The following BLK variants were observed in gnomAD, a reference collection of about 807,000 sequenced individuals.
BLK encodes the protein tyrosine-protein kinase Blk.
In BLK, 64 loss-of-function variants were observed where a neutral mutation model predicts 61.8. The ratio of observed to expected loss-of-function variants is 1.03; its 90% CI spans 0.85 to 1.27. BLK has a LOEUF of 1.27. Among genes scored for constraint, BLK ranks in the 50% most tolerant of loss-of-function variants. The pLI is 0.00. For synonymous variants in BLK, 351 were observed against 272.0 expected, an observed-to-expected ratio of 1.29 and a Z score of -2.86; for missense variants, 853 against 660.5, an observed-to-expected ratio of 1.29 and a Z score of -3.19.
At chr8:11,537,589 G>C (rs1183619055) in intron 1 of BLK, among the ~76,000 whole-genome samples, 1 of 152,160 alleles carries the variant, frequency 6.6e-6, no homozygotes, top group Non-Finnish European at 1.5e-5. Flanking sequence ...TTGTGCAGAG[G>C]GCTCAAGCAG....
intron 10 of BLK, among the ~76,000 whole-genome samples, chr8:11,559,469 A>G (rs1801384618): frequency 6.6e-6 from 1 of 151,414 alleles, no homozygotes; most frequent in South Asian, 2.1e-4. Context: ...TCAGACTCAA[A>G]CACAAACTCA....
chr8:11,551,601 C>T (rs1452229424), intron 6 of BLK, among the ~76,000 whole-genome samples: 2 of 152,166 alleles, frequency 1.3e-5, no homozygotes, highest in Admixed American at 6.5e-5. Context: ...GGATGGTGAG[C>T]CTGTTCATGT....
At chr8:11,536,200 G>A (rs1193892305) in intron 1 of BLK, among the ~76,000 whole-genome samples, 1 of 152,168 alleles carries the variant, frequency 6.6e-6, no homozygotes, top group Non-Finnish European at 1.5e-5. Context: ...CCATGCTTTA[G>A]AAACAAATGC....
At chr8:11,563,180 C>G in intron 12 of BLK, 70 bp downstream of exon 12, 1 of 1,605,642 alleles carries the variant, frequency 6.2e-7, no homozygotes, top group Non-Finnish European at 8.5e-7. Flanking sequence ...GTCGCCTGTG[C>G]TTGGTGCCTG....
intron 1 of BLK, among the ~76,000 whole-genome samples, chr8:11,505,322 C>G (rs1798727969): frequency 6.6e-6 from 1 of 152,146 alleles, no homozygotes; most frequent in Admixed American, 6.5e-5. Context: ...TGTCAAATAG[C>G]AAGAGATCTC....
chr8:11,522,138 A>C (rs1442281729), intron 1 of BLK, among the ~76,000 whole-genome samples: 2 of 152,180 alleles, frequency 1.3e-5, no homozygotes, highest in Non-Finnish European at 2.9e-5. Context: ...ATATTTTATT[A>C]GGTCCATTTC....
intron 1 of BLK, among the ~76,000 whole-genome samples, chr8:11,515,841 T>G (rs991779189): frequency 3.9e-5 from 6 of 152,252 alleles, no homozygotes; most frequent in Non-Finnish European, 8.8e-5. Flanking sequence ...ATTGCTTTAG[T>G]TGTTCATGAA....
chr8:11,534,490 A>G (rs566323186), intron 1 of BLK, among the ~76,000 whole-genome samples: 1 of 152,174 alleles, frequency 6.6e-6, no homozygotes, highest in Non-Finnish European at 1.5e-5. Context: ...TAGCAGAATC[A>G]AATGTAGGTG....
chr8:11,556,355 G>T, intron 8 of BLK: 1 of 446,160 alleles, frequency 2.2e-6, no homozygotes, highest in Non-Finnish European at 4.2e-6. Flanking sequence ...TCATTATGTA[G>T]GGGAGGGGTG....
At chr8:11,512,950 A>G (rs1225023057) in intron 1 of BLK, among the ~76,000 whole-genome samples, 1 of 152,206 alleles carries the variant, frequency 6.6e-6, no homozygotes, top group Non-Finnish European at 1.5e-5. Flanking sequence ...TACAGGCGTG[A>G]GCCACCGCGG....
intron 1 of BLK, among the ~76,000 whole-genome samples, chr8:11,522,866 A>G (rs527499536): frequency 7.9e-5 from 12 of 152,360 alleles, no homozygotes; most frequent in African/African-American, 2.2e-4. Context: ...GTCCAAAATC[A>G]TACATGGTTA....
At chr8:11,528,617 G>A (rs1799767184) in intron 1 of BLK, among the ~76,000 whole-genome samples, 1 of 152,118 alleles carries the variant, frequency 6.6e-6, no homozygotes, top group South Asian at 2.1e-4. Flanking sequence ...TTTGGGGGAG[G>A]GGTTGACCCC....
intron 8 of BLK, chr8:11,555,942 G>T: frequency 3.4e-6 from 1 of 297,440 alleles, no homozygotes. Context: ...CATTTCCATC[G>T]CTGCTGACAC....
rs532729036 is a variant in BLK, at chr8:11,502,982, G to A, written c.-2+8391G>A. On this transcript the variant is annotated intron_variant, in intron 1 of 12. Coordinates refer to ENST00000259089, the MANE Select transcript of BLK (RefSeq NM_001715.3). ...TTCGCAAGTCCCCACTCGCAAAACG[G>A]CTACTGTTTTCCACAACCATGGGAT... is the stretch of plus-strand genomic sequence containing the variant. Among the ~76,000 whole-genome samples the A allele has an allele frequency of 2.3e-4, 35 of 152,306 alleles. 1 individual carries two copies. The highest frequency in any genetic ancestry group is 2.2e-3 in the Admixed American group (34 of 15,302).
chr8:11,554,805 A>T lies in BLK; in HGVS notation c.535A>T (p.Ile179Phe), dbSNP rs762908834. 5 of 1,613,864 alleles carry T rather than the reference A, an allele frequency of 3.1e-6. No individual in the cohort carries two copies. Among genetic ancestry groups the T allele is most frequent in the Non-Finnish European group, 3.4e-6 (4 of 1,180,002 alleles). The change falls in exon 7 of 13, where the codon ATC becomes TTC. Residue 179 changes from isoleucine (I) to phenylalanine (F), a missense_variant. Physicochemically the swap from Ile to Phe is conservative, Grantham distance 21 (BLOSUM62 0). Coordinates refer to ENST00000259089, the MANE Select transcript of BLK (RefSeq NM_001715.3). ...TQGELIKHYK[I>F]RCLDEGGYYI... is the part of the protein sequence containing the mutation. ...GGGGGAGCTGATCAAGCACTATAAG[A>T]TCCGCTGCCTGGATGAAGGGGGCTA...
At chr8:11,518,758 G>T (rs1428662342) in intron 1 of BLK, among the ~76,000 whole-genome samples, 1 of 152,072 alleles carries the variant, frequency 6.6e-6, no homozygotes, top group East Asian at 1.9e-4. Context: ...TTCCCCAGCT[G>T]GTCTCTGGGC....
chr8:11,506,898 T>A (rs1036753061), intron 1 of BLK, among the ~76,000 whole-genome samples: 2 of 152,202 alleles, frequency 1.3e-5, no homozygotes, highest in African/African-American at 2.4e-5. Context: ...GATCTCTCAG[T>A]CACGGGCTGA....
chr8:11,497,183 C>A (rs1463655239), intron 1 of BLK, among the ~76,000 whole-genome samples: 1 of 152,196 alleles, frequency 6.6e-6, no homozygotes, highest in Non-Finnish European at 1.5e-5. Flanking sequence ...TCTCAACATA[C>A]TGAGATGGAA....
intron 1 of BLK, among the ~76,000 whole-genome samples, chr8:11,508,828 G>A (rs1020752817): frequency 1.3e-5 from 2 of 152,232 alleles, no homozygotes; most frequent in Admixed American, 1.3e-4. Context: ...AGACAAGGGA[G>A]CAACTGACAT....
Sources: gnomAD v4.1 joint callset for allele counts (sites outside exome capture counted in the v4.1 genomes callset) on GRCh38, gnomAD v4.1.1 for gene constraint, MANE v1.5 for transcripts, NCBI Gene and HGNC (gene_info 2026-07-23, HGNC 2026-07-21) for gene names.